TP63: variants seen among roughly 807,000 people sequenced by gnomAD.
The protein encoded by TP63 is tumor protein 63.
In TP63, 17 loss-of-function variants were observed where a neutral mutation model predicts 82.8. That is an observed-to-expected ratio of 0.21 (90% CI 0.14 to 0.31). The LOEUF is 0.31. TP63 is among the 10% of genes least tolerant of loss of function. The pLI, the probability that TP63 is intolerant of heterozygous loss-of-function variation, is 1.00. For missense variants in TP63, 648 were observed against 895.3 expected (o/e 0.72, Z 3.52); for synonymous variants, 330 against 321.7 (o/e 1.03, Z -0.28).
intron 3 of TP63, 46 bp downstream of exon 3, chr3:189,738,820 A>G (rs563228051): frequency 2.5e-6 from 4 of 1,609,232 alleles, no homozygotes; most frequent in East Asian, 4.5e-5. Flanking sequence ...CATGCTATCT[A>G]TAGCTCTGTT....
intron 3 of TP63, among the ~76,000 whole-genome samples, chr3:189,798,014 A>G (rs368616931): frequency 1.3e-5 from 2 of 152,052 alleles, no homozygotes; most frequent in South Asian, 4.2e-4. Flanking sequence ...TGTACACCAG[A>G]TCCTTCCTCC....
At chr3:189,606,459 C>A in the TP63 span, among the ~76,000 whole-genome samples, 1 of 150,794 alleles carries the variant, frequency 6.6e-6, no homozygotes, top group East Asian at 1.9e-4. Flanking sequence ...CAATGCATGG[C>A]CCATAAAATA....
At chr3:189,846,132 C>G (rs1361082004) in intron 4 of TP63, among the ~76,000 whole-genome samples, 1 of 151,546 alleles carries the variant, frequency 6.6e-6, no homozygotes, top group Admixed American at 6.6e-5. Flanking sequence ...TTTTTTTTCC[C>G]CCTTCTCTTT....
intron 5 of TP63, among the ~76,000 whole-genome samples, chr3:189,865,487 A>T (rs1034950394): frequency 1.1e-4 from 17 of 152,238 alleles, no homozygotes; most frequent in African/African-American, 4.1e-4. Flanking sequence ...AGTGGAAGGT[A>T]AGAGCAGGAT....
chr3:189,608,291 A>G, the TP63 span, among the ~76,000 whole-genome samples: 1 of 152,108 alleles, frequency 6.6e-6, no homozygotes, highest in Non-Finnish European at 1.5e-5. Flanking sequence ...AAGGAATTAG[A>G]GCATTGGATA....
At chr3:189,607,460 T>TATTC in the TP63 span, among the ~76,000 whole-genome samples, 1 of 152,170 alleles carries the variant, frequency 6.6e-6, no homozygotes, top group Non-Finnish European at 1.5e-5. Context: ...TGTGAGAAGG[T>TATTC]ATTCATTGCA....
In TP63 at chr3:189,896,082, GA is replaced by G. The variant is rs1721448621; in HGVS notation, c.*1583del. The G allele has an allele frequency of 8.9e-6, 2 of 224,698 alleles. No homozygotes were observed. The highest frequency in any genetic ancestry group is 1.8e-5 in the Non-Finnish European group (2 of 112,566). 13.9% of individuals were successfully genotyped at this position (224,698 alleles called of 1,614,324 possible). On this transcript the variant is annotated 3_prime_UTR_variant, in exon 14 of 14. Transcript: ENST00000264731. ...TAATGACAATATTCCAGATCTTTCA[GA>G]AATATAACACATTTTTTTGCATGCA...
intron 1 of TP63, among the ~76,000 whole-genome samples, chr3:189,710,728 G>A (rs1182882457): frequency 6.6e-6 from 1 of 152,132 alleles, no homozygotes; most frequent in Non-Finnish European, 1.5e-5. Flanking sequence ...GATGGAAGGA[G>A]GGGTGATTCA....
intron 1 of TP63, among the ~76,000 whole-genome samples, chr3:189,676,324 C>T (rs938632400): frequency 3.3e-5 from 5 of 152,062 alleles, no homozygotes; most frequent in Non-Finnish European, 7.4e-5. Context: ...ATTTTTCGTA[C>T]TCCCAAACTC....
At chr3:189,802,904 A>AT (rs1010291694) in intron 3 of TP63, among the ~76,000 whole-genome samples, 1 of 152,106 alleles carries the variant, frequency 6.6e-6, no homozygotes, top group African/African-American at 2.4e-5. Flanking sequence ...TCCCTATCCC[A>AT]TTTTTTTAAT....
At chr3:189,739,024 T>C in intron 3 of TP63, 2 of 536,156 alleles carry the variant, frequency 3.7e-6, no homozygotes, top group East Asian at 3.4e-5. Context: ...TTATCTTGAT[T>C]GTTCCTCATG....
intron 3 of TP63, among the ~76,000 whole-genome samples, chr3:189,797,603 G>A (rs1210623511): frequency 5.3e-5 from 8 of 152,026 alleles, no homozygotes; most frequent in Admixed American, 6.6e-5. Context: ...CAGATGTTTG[G>A]GGAATGGCGT....
intron 4 of TP63, among the ~76,000 whole-genome samples, chr3:189,833,265 A>G (rs1478702789): frequency 6.6e-6 from 1 of 152,228 alleles, no homozygotes; most frequent in Non-Finnish European, 1.5e-5. Flanking sequence ...TCAAGAAGAA[A>G]ACAGGGTGAC....
chr3:189,881,162 T>A (rs1273442318), intron 10 of TP63: 1 of 983,414 alleles, frequency 1.0e-6, no homozygotes, highest in Non-Finnish European at 1.2e-6. Flanking sequence ...TACTGTTCAG[T>A]GCATTTAGCC....
intron 3 of TP63, among the ~76,000 whole-genome samples, chr3:189,794,976 CA>C (rs1051813102): frequency 6.6e-6 from 1 of 152,066 alleles, no homozygotes; most frequent in African/African-American, 2.4e-5. Flanking sequence ...CTGCCATAGA[CA>C]AATTGGGAAC....
intron 1 of TP63, among the ~76,000 whole-genome samples, chr3:189,659,764 A>G (rs1170159179): frequency 1.3e-5 from 2 of 152,046 alleles, no homozygotes; most frequent in Non-Finnish European, 1.5e-5. Flanking sequence ...ATGAGATGGC[A>G]TCTCATTGTG....
intron 4 of TP63, among the ~76,000 whole-genome samples, chr3:189,829,199 G>C (rs990323995): frequency 2.0e-5 from 3 of 152,174 alleles, no homozygotes; most frequent in Non-Finnish European, 4.4e-5. Context: ...CAAGAGAGAA[G>C]ACTCTGTAAA....
intron 1 of TP63, among the ~76,000 whole-genome samples, chr3:189,719,482 C>G (rs968816055): frequency 2.0e-5 from 3 of 152,148 alleles, no homozygotes; most frequent in African/African-American, 7.2e-5. Flanking sequence ...GACCAATCAA[C>G]ACATCTAGTC....
rs1576901878 is a variant in TP63 at position 189,764,101 on chromosome 3, A to G, written c.324+25327A>G. On this transcript the variant is annotated intron_variant, in intron 3 of 13. Transcript: ENST00000264731. ...TCAAACTCTGCACCCTTGTATGCTC[A>G]TTGTCAAAAGAGGTGGGTGTCTTGG... Among the ~76,000 whole-genome samples the G allele has an allele frequency of 2.0e-5, 3 of 152,132 alleles. No homozygotes were observed. In the South Asian group the frequency reaches 6.2e-4, roughly 31 times the overall value.
Sources: gnomAD v4.1 joint callset for allele counts (sites outside exome capture counted in the v4.1 genomes callset) on GRCh38, gnomAD v4.1.1 for gene constraint, MANE v1.5 for transcripts, NCBI Gene and HGNC (gene_info 2026-07-23, HGNC 2026-07-21) for gene names.